Variants in RBFOX1 observed in about 807,000 individuals in gnomAD.
RBFOX1 encodes RNA binding protein fox-1 homolog 1.
RBFOX1 carries 8 observed loss-of-function variants against 57.7 expected under a neutral mutation model. The observed-to-expected ratio is 0.14, with a 90% confidence interval of 0.08 to 0.25. RBFOX1 has a LOEUF of 0.25. Among genes scored for constraint, RBFOX1 ranks in the 10% least tolerant of loss-of-function variants. The pLI is 1.00. For synonymous variants in RBFOX1, 326 were observed against 222.4 expected (o/e 1.47, Z -4.15); for missense variants, 611 against 548.5 (o/e 1.11, Z -1.14).
chr16:7,155,693 C>G (rs1231724723), intron 4 of RBFOX1, among the ~76,000 whole-genome samples: 2 of 69,970 alleles, frequency 2.9e-5, no homozygotes, highest in African/African-American at 1.4e-4. Flanking sequence ...CCCTTCTCCT[C>G]CCACCAAAAA....
At chr16:5,388,662 C>T (rs867602391) in intron 1 of RBFOX1, among the ~76,000 whole-genome samples, 41 of 152,068 alleles carry the variant, frequency 2.7e-4, no homozygotes, top group African/African-American at 8.9e-4. Context: ...CTGCAACCTC[C>T]ACCTCCCGGG....
chr16:7,494,621 A>C (rs528083627), intron 4 of RBFOX1, among the ~76,000 whole-genome samples: 1 of 152,266 alleles, frequency 6.6e-6, no homozygotes, highest in African/African-American at 2.4e-5. Context: ...TATGAAGGGT[A>C]TGCAGTTTTT....
chr16:6,595,676 C>A (rs556888653), intron 2 of RBFOX1, among the ~76,000 whole-genome samples: 6 of 152,304 alleles, frequency 3.9e-5, no homozygotes, highest in African/African-American at 1.2e-4. Context: ...TTCCCACCAG[C>A]AATGTCTCTG....
At chr16:7,682,412 A>G (rs1003350739) in intron 14 of RBFOX1, among the ~76,000 whole-genome samples, 3 of 152,080 alleles carry the variant, frequency 2.0e-5, no homozygotes, top group African/African-American at 7.2e-5. Context: ...CAGCTGGGAT[A>G]CAGACCCAAA....
At chr16:6,771,219 A>G (rs2154212243) in intron 3 of RBFOX1, among the ~76,000 whole-genome samples, 1 of 152,330 alleles carries the variant, frequency 6.6e-6, no homozygotes, top group Middle Eastern at 3.4e-3. Context: ...CAAACACCTT[A>G]GTCTTGAACT....
At chr16:6,868,470 T>G (rs1340275784) in intron 3 of RBFOX1, among the ~76,000 whole-genome samples, 1 of 146,174 alleles carries the variant, frequency 6.8e-6, no homozygotes, top group Non-Finnish European at 1.5e-5. Context: ...GTTTCATATT[T>G]ATTGGTTTAT....
At chr16:7,026,765 C>G (rs1196605866) in intron 3 of RBFOX1, among the ~76,000 whole-genome samples, 1 of 152,240 alleles carries the variant, frequency 6.6e-6, no homozygotes, top group Non-Finnish European at 1.5e-5. Flanking sequence ...CAACTTTGTG[C>G]TGCCAGAGGG....
At chr16:5,788,131 AC>A (rs1567542555) in intron 3 of RBFOX1, among the ~76,000 whole-genome samples, 1 of 152,144 alleles carries the variant, frequency 6.6e-6, no homozygotes, top group Non-Finnish European at 1.5e-5. Flanking sequence ...AAAACATCAT[AC>A]CTGGAGAGTG....
At position 7,118,516 on chromosome 16, in the gene RBFOX1, C is replaced by T. The variant is rs146762813; in HGVS notation, c.27+66418C>T. On this transcript the variant is annotated intron_variant, in intron 4 of 15. Coordinates refer to ENST00000550418, the MANE Select transcript of RBFOX1 (RefSeq NM_018723.4). ...GTTGACAGGTACACTCAAAGCCAAG[C>T]CTTCCCCACTATACAATTCATCCAT... Among the ~76,000 whole-genome samples the T allele has an allele frequency of 1.1e-4, 17 of 152,226 alleles. No homozygotes were observed. The East Asian group carries it at 3.1e-3, about 28-fold the overall frequency.
intron 3 of RBFOX1, among the ~76,000 whole-genome samples, chr16:6,734,095 G>T (rs916442227): frequency 6.6e-6 from 1 of 152,150 alleles, no homozygotes; most frequent in Non-Finnish European, 1.5e-5. Context: ...TGAAATTCCA[G>T]TCTTATTACC....
At chr16:6,537,236 T>C (rs1413302304) in intron 2 of RBFOX1, among the ~76,000 whole-genome samples, 1 of 152,206 alleles carries the variant, frequency 6.6e-6, no homozygotes, top group Non-Finnish European at 1.5e-5. Flanking sequence ...CCAGGTGTTG[T>C]TCCTGATGCC....
At chr16:5,358,909 C>T (rs1418202514) in intron 1 of RBFOX1, among the ~76,000 whole-genome samples, 3 of 152,174 alleles carry the variant, frequency 2.0e-5, no homozygotes, top group Non-Finnish European at 4.4e-5. Context: ...CTTATTCATC[C>T]TTTGTATGTG....
chr16:6,548,924 A>G (rs373632969), intron 2 of RBFOX1, among the ~76,000 whole-genome samples: 1 of 151,112 alleles, frequency 6.6e-6, no homozygotes. Context: ...AAAAGTACAA[A>G]AATTAGCTGG....
At chr16:6,922,725 C>T (rs764515573) in intron 3 of RBFOX1, among the ~76,000 whole-genome samples, 1 of 152,116 alleles carries the variant, frequency 6.6e-6, no homozygotes, top group East Asian at 1.9e-4. Flanking sequence ...ACTGGAAAGC[C>T]TTCTGAGATT....
At chr16:7,518,462 T>A (rs1016972352) in intron 5 of RBFOX1, 73 bp downstream of exon 5, 1 of 1,524,662 alleles carries the variant, frequency 6.6e-7, no homozygotes, top group South Asian at 1.3e-5. Context: ...GCAGCGGGGG[T>A]GCACCCCCAT....
At chr16:5,766,154 G>C (rs2053770274) in intron 3 of RBFOX1, among the ~76,000 whole-genome samples, 1 of 152,176 alleles carries the variant, frequency 6.6e-6, no homozygotes, top group South Asian at 2.1e-4. Flanking sequence ...AGATATTCAT[G>C]GTATTCCAGG....
intron 3 of RBFOX1, among the ~76,000 whole-genome samples, chr16:6,939,994 A>T (rs972152414): frequency 6.6e-6 from 1 of 152,196 alleles, no homozygotes; most frequent in South Asian, 2.1e-4. Context: ...TATATCATCC[A>T]TAGCACTTTG....
intron 4 of RBFOX1, among the ~76,000 whole-genome samples, chr16:5,939,214 A>G (rs532074401): frequency 6.6e-6 from 1 of 152,370 alleles, no homozygotes; most frequent in South Asian, 2.1e-4. Flanking sequence ...CATTGTGCAC[A>G]TGTACCCTAG....
At chr16:7,476,395 A>C (rs142345425) in intron 4 of RBFOX1, among the ~76,000 whole-genome samples, 56 of 152,338 alleles carry the variant, frequency 3.7e-4, no homozygotes, top group African/African-American at 1.3e-3. Flanking sequence ...TAATGAGATG[A>C]TATCTATATA....
Sources: allele counts gnomAD v4.1 joint callset (sites outside exome capture counted in the v4.1 genomes callset), GRCh38; gene constraint gnomAD v4.1.1; transcripts MANE v1.5; gene names NCBI Gene and HGNC (gene_info 2026-07-23, HGNC 2026-07-21).